Variants in IL23A observed in about 807,000 individuals in gnomAD.
IL23A encodes the protein interleukin 23 subunit alpha.
A neutral mutation model predicts 20.7 loss-of-function variants in IL23A; 16 were observed. The observed-to-expected ratio is 0.77, with a 90% CI of 0.52 to 1.17. The LOEUF is 1.17. IL23A is among the 50% of genes most tolerant of loss of function. The pLI, the probability that IL23A is intolerant of heterozygous loss-of-function variation, is 0.00. For synonymous variants in IL23A, 80 were observed against 88.7 expected, an observed-to-expected ratio of 0.90 and a Z score of 0.55; for missense variants, 175 against 229.5, an observed-to-expected ratio of 0.76 and a Z score of 1.53.
At position 56,339,160 on chromosome 12, in the gene IL23A, A is replaced by T; in HGVS notation, c.116A>T (p.Lys39Met). ...AWTQCQQLSQKLCTLAWSAHP... is the reference protein window; with the variant it reads ...AWTQCQQLSQMLCTLAWSAHP... The stretch of plus-strand genomic sequence containing the variant: ...ACTCAGTGCCAGCAGCTTTCACAGA[A>T]GCTCTGCACACTGGCCTGGAGTGCA... Residue 39 changes from lysine (K) to methionine (M), a missense_variant, in exon 1 of 4, where the codon AAG becomes ATG. Lys to Met is a moderately conservative substitution (Grantham distance 95). Coordinates refer to ENST00000228534, the MANE Select transcript of IL23A (RefSeq NM_016584.3). 6.3e-7 allele frequency: 1 copy of T among 1,575,516 alleles called. No individual in the cohort carries two copies. The highest frequency in any genetic ancestry group is 8.6e-7 in the Non-Finnish European group (1 of 1,158,054).
At position 56,339,157 on chromosome 12, in the gene IL23A, A is replaced by G. The variant is rs1205666546; in HGVS notation, c.113A>G (p.Gln38Arg). The part of the protein sequence containing the change: ...PAWTQCQQLS[Q>R]KLCTLAWSAH... Reference sequence around the variant, plus strand: ...TGGACTCAGTGCCAGCAGCTTTCACAGAAGCTCTGCACACTGGCCTGGAGT... The same window carrying G: ...TGGACTCAGTGCCAGCAGCTTTCACGGAAGCTCTGCACACTGGCCTGGAGT... The change falls in exon 1 of 4, where the codon CAG becomes CGG. Residue 38 changes from glutamine to arginine, a missense_variant. Transcript: ENST00000228534. The G allele has an allele frequency of 1.3e-6, 2 of 1,582,130 alleles. No homozygotes were observed. Among genetic ancestry groups the G allele is most frequent in the Non-Finnish European group, 1.7e-6 (2 of 1,160,946 alleles).
At chr12:56,339,327 G>C (rs1876400649) in intron 1 of IL23A, 99 bp from the exon 2 acceptor site, 4 of 1,376,888 alleles carry the variant, frequency 2.9e-6, no homozygotes, top group Non-Finnish European at 4.1e-6. Context: ...GAGGACAAGA[G>C]AGTAGGGTTC....
At chr12:56,339,596 G>T (rs1050776430) in intron 2 of IL23A, 72 bp downstream of exon 2, 1 of 1,595,636 alleles carries the variant, frequency 6.3e-7, no homozygotes, top group African/African-American at 1.3e-5. Context: ...TGGTAAACCA[G>T]AAGTTGTGTC....
chr12:56,339,566 G>A (rs767584027), intron 2 of IL23A, 42 bp downstream of exon 2: 6 of 1,585,738 alleles, frequency 3.8e-6, no homozygotes, highest in Non-Finnish European at 4.3e-6. Flanking sequence ...AGAGGGGACT[G>A]AGAACATGGC....
At chr12:56,339,335 T>C (rs1592456771) in intron 1 of IL23A, 91 bp from the exon 2 acceptor site, 7 of 1,372,064 alleles carry the variant, frequency 5.1e-6, no homozygotes, top group Non-Finnish European at 6.2e-6. Context: ...GAGAGTAGGG[T>C]TCCTGGGAGA....
At position 56,339,726 on chromosome 12, in the gene IL23A, T is replaced by G. The variant is rs1876417464; in HGVS notation, c.297T>G (p.Phe99Leu). 3.7e-6 allele frequency: 6 copies of G among 1,614,044 alleles called. No individual in the cohort carries two copies. The highest frequency in any genetic ancestry group is 5.1e-6 in the Non-Finnish European group (6 of 1,179,968). ...AAAGGATCCACCAGGGTCTGATTTT[T>G]TATGAGAAGCTGCTAGGATCGGATA... ...CLQRIHQGLI[F>L]YEKLLGSDIF... is the part of the protein sequence containing the mutation. Residue 99 changes from phenylalanine to leucine, a missense_variant, in exon 3 of 4, where the codon TTT becomes TTG. Coordinates refer to ENST00000228534, the MANE Select transcript of IL23A (RefSeq NM_016584.3).
In IL23A at chr12:56,339,765, G is replaced by A. The variant is rs113129337; in HGVS notation, c.336G>A (p.Glu112=). ...TAGGATCGGATATTTTCACAGGGGA[G>A]CCTTCTCTGCTCCCTGATAGCCCTG... ...KLLGSDIFTG[E]PSLLPDSPVG... is the part of the protein sequence containing the mutation. Residue 112 remains glutamate, a synonymous_variant, in exon 3 of 4, where the codon GAG becomes GAA. Transcript: ENST00000228534. 19 of 1,614,060 alleles carry A rather than the reference G, an allele frequency of 1.2e-5. No homozygotes were observed. The African/African-American group carries it at 1.2e-4, about 10-fold the overall frequency.
rs747492997 is a variant in IL23A at position 56,340,064 on chromosome 12, C to G, written c.530C>G (p.Ala177Gly). 1 of 1,614,198 alleles carries G rather than the reference C, an allele frequency of 6.2e-7. No individual in the cohort carries two copies. ...CTCCAGGCCTTTGTGGCTGTAGCCG[C>G]CCGGGTCTTTGCCCATGGAGCAGCA... ...RSLQAFVAVA[A>G]RVFAHGAATL... Residue 177 changes from alanine (A) to glycine (G), a missense_variant, in exon 4 of 4, where the codon GCC (alanine) becomes GGC (glycine). Coordinates refer to ENST00000228534, the MANE Select transcript of IL23A (RefSeq NM_016584.3).
At position 56,338,980 on chromosome 12, in the gene IL23A, G is replaced by A. The variant is rs1291152552; in HGVS notation, c.-65G>A. On this transcript the variant is annotated 5_prime_UTR_variant, in exon 1 of 4. Transcript: ENST00000228534. Reference sequence around the variant, plus strand: ...TCAGGCTCAAAGCAAGTGGAAGTGGGCAGAGATTCCACCAGGACTGGTGCA... The same window carrying A: ...TCAGGCTCAAAGCAAGTGGAAGTGGACAGAGATTCCACCAGGACTGGTGCA... 4 of 1,280,572 alleles carry A rather than the reference G, an allele frequency of 3.1e-6. No homozygotes were observed. In the Admixed American group the frequency reaches 1.2e-4, roughly 37 times the overall value. 79.3% of individuals were successfully genotyped at this position (1,280,572 alleles called of 1,614,324 possible).
chr12:56,339,888 G>A, intron 3 of IL23A, 51 bp downstream of exon 3: 1 of 1,610,496 alleles, frequency 6.2e-7, no homozygotes, highest in African/African-American at 1.3e-5. Context: ...CAGAGACAGA[G>A]GGTTGGGGGT....
chr12:56,339,599 G>A (rs1439834507), intron 2 of IL23A, 75 bp downstream of exon 2: 4 of 1,596,684 alleles, frequency 2.5e-6, no homozygotes, highest in Non-Finnish European at 3.4e-6. Flanking sequence ...TAAACCAGAA[G>A]TTGTGTCTGA....
chr12:56,339,988 C>T lies in IL23A; in HGVS notation c.454C>T (p.Pro152Ser). The T allele has an allele frequency of 6.2e-7, 1 of 1,614,174 alleles. No individual in the cohort carries two copies. The highest frequency in any genetic ancestry group is 1.1e-5 in the South Asian group (1 of 91,086). ...GACTCAGCAGATTCCAAGCCTCAGT[C>T]CCAGCCAGCCATGGCAGCGTCTCCT... ...WETQQIPSLS[P>S]SQPWQRLLLR... Residue 152 changes from proline to serine, a missense_variant, in exon 4 of 4, where the codon CCC becomes TCC. Coordinates refer to ENST00000228534, the MANE Select transcript of IL23A (RefSeq NM_016584.3).
In IL23A at chr12:56,339,658, G is replaced by A. The variant is rs374176852; in HGVS notation, c.262-33G>A. 4.4e-6 allele frequency: 7 copies of A among 1,608,762 alleles called. No homozygotes were observed. The African/African-American group carries it at 9.4e-5, about 22-fold the overall frequency. ...CTTCAGTGAATGGAGTAGGAAGAGG[G>A]TGTCCTCTTTCATTGCTTTCTTTTC... On this transcript the variant is annotated intron_variant, in intron 2 of 3. Coordinates refer to ENST00000228534, the MANE Select transcript of IL23A (RefSeq NM_016584.3).
At position 56,340,360 on chromosome 12, in the gene IL23A, A is replaced by G. The variant is rs918213150; in HGVS notation, c.*256A>G. 10 of 413,274 alleles carry G rather than the reference A, an allele frequency of 2.4e-5. No individual in the cohort carries two copies. Among genetic ancestry groups the G allele is most frequent in the Non-Finnish European group, 3.0e-5 (7 of 231,944 alleles). The allele number at this position is 413,274 out of a possible 1,614,324, so 25.6% of individuals were successfully genotyped here. ...CAGTTTGGGGAGGATTATTTATTGTATTTATATTGAATTATGTACTTTTTT... is the reference window on the plus strand; with the variant it reads ...CAGTTTGGGGAGGATTATTTATTGTGTTTATATTGAATTATGTACTTTTTT... On this transcript the variant is annotated 3_prime_UTR_variant, in exon 4 of 4. Coordinates refer to ENST00000228534, the MANE Select transcript of IL23A (RefSeq NM_016584.3).
At chr12:56,339,859 G>A (rs1244549560) in intron 3 of IL23A, 22 bp downstream of exon 3, 2 of 1,610,306 alleles carry the variant, frequency 1.2e-6, no homozygotes, top group East Asian at 4.5e-5. Flanking sequence ...GGGCGTGGAG[G>A]ATGGGGGCTT....
In IL23A at chr12:56,339,075, T is replaced by TTGC; in HGVS notation, c.38_40dup (p.Leu13dup). ...GGGGAGCAGAGCTGTAATGCTGCTG[T>TTGC]TGCTGCTGCCCTGGACAGCTCAGGG... is the stretch of plus-strand genomic sequence containing the variant. On this transcript the variant is annotated inframe_insertion, in exon 1 of 4. Coordinates refer to ENST00000228534, the MANE Select transcript of IL23A (RefSeq NM_016584.3). 6.9e-7 allele frequency: 1 copy of TTGC among 1,447,544 alleles called. No homozygotes were observed. Among genetic ancestry groups the TTGC allele is most frequent in the Non-Finnish European group, 9.2e-7 (1 of 1,092,284 alleles). 89.7% of individuals were successfully genotyped at this position (1,447,544 alleles called of 1,614,324 possible).
rs151144365 is a variant in IL23A at position 56,338,937 on chromosome 12, C to T, written c.-108C>T. ...ACAACTGAGGGAACCAAACCAGAGA[C>T]GCGCTGAACAGAGAGAATCAGGCTC... On this transcript the variant is annotated 5_prime_UTR_variant, in exon 1 of 4. The change creates a new upstream start codon in the 5' untranslated region. Coordinates refer to ENST00000228534, the MANE Select transcript of IL23A (RefSeq NM_016584.3). The T allele has an allele frequency of 1.8e-3, 1,639 of 921,158 alleles. 1 individual carries two copies. The highest frequency in any genetic ancestry group is 2.3e-3 in the Admixed American group (64 of 28,170). The allele number at this position is 921,158 out of a possible 1,614,324, so 57.1% of individuals were successfully genotyped here.
At position 56,339,798 on chromosome 12, in the gene IL23A, G is replaced by A. The variant is rs748666789; in HGVS notation, c.369G>A (p.Gln123=). Residue 123 remains glutamine (Q), a synonymous_variant, in exon 3 of 4, where the codon CAG becomes CAA. Transcript: ENST00000228534. ...TGCTCCCTGATAGCCCTGTGGGCCAGCTTCATGCCTCCCTACTGGGCCTCA... is the reference window on the plus strand; with the variant it reads ...TGCTCCCTGATAGCCCTGTGGGCCAACTTCATGCCTCCCTACTGGGCCTCA... ...PSLLPDSPVG[Q]LHASLLGLSQ... 1.2e-6 allele frequency: 2 copies of A among 1,613,788 alleles called. No individual in the cohort carries two copies. Among genetic ancestry groups the A allele is most frequent in the South Asian group, 2.2e-5 (2 of 91,062 alleles).
At position 56,340,083 on chromosome 12, in the gene IL23A, A is replaced by G. The variant is rs775454249; in HGVS notation, c.549A>G (p.Gly183=). The G allele has an allele frequency of 8.1e-6, 13 of 1,614,024 alleles. No homozygotes were observed. Among genetic ancestry groups the G allele is most frequent in the South Asian group, 1.1e-5 (1 of 91,082 alleles). The change falls in exon 4 of 4, where the codon GGA becomes GGG. Residue 183 remains glycine, a synonymous_variant. Transcript: ENST00000228534. ...VAVAARVFAH[G]AATLSP ...TAGCCGCCCGGGTCTTTGCCCATGG[A>G]GCAGCAACCCTGAGTCCCTAAAGGC...
Sources: allele counts gnomAD v4.1 joint callset, GRCh38; gene constraint gnomAD v4.1.1; transcripts MANE v1.5; gene names NCBI Gene and HGNC (gene_info 2026-07-23, HGNC 2026-07-21).